PARD3B: variants seen among roughly 807,000 people sequenced by gnomAD.
PARD3B encodes par-3 family cell polarity regulator beta, also known as partitioning defective 3 homolog B.
Under a neutral mutation model 130.2 loss-of-function variants are expected in PARD3B, and 103 were observed. That is an observed-to-expected ratio of 0.79 (90% CI 0.67 to 0.93). PARD3B has a LOEUF of 0.93. Ranked by LOEUF, PARD3B falls within the 40% of genes least tolerant of loss-of-function variation. The pLI is 0.00. For missense variants in PARD3B, 1,609 were observed against 1,499.2 expected, an observed-to-expected ratio of 1.07 and a Z score of -1.21; for synonymous variants, 583 against 553.2, an observed-to-expected ratio of 1.05 and a Z score of -0.76.
chr2:205,289,033 G>A (rs1416955442), intron 16 of PARD3B, among the ~76,000 whole-genome samples: 2 of 152,192 alleles, frequency 1.3e-5, no homozygotes, highest in Admixed American at 6.5e-5. Context: ...ATGGAGAAGA[G>A]TGAAAGAAAC....
intron 2 of PARD3B, among the ~76,000 whole-genome samples, chr2:204,746,396 G>C (rs965702898): frequency 2.6e-5 from 4 of 151,862 alleles, no homozygotes; most frequent in African/African-American, 9.7e-5. Context: ...GGACATTTGG[G>C]TTGGTTCCAA....
At chr2:205,579,607 G>A (rs2053891818) in intron 22 of PARD3B, among the ~76,000 whole-genome samples, 2 of 152,156 alleles carry the variant, frequency 1.3e-5, no homozygotes, top group Admixed American at 1.3e-4. Context: ...ATCACATTTT[G>A]TGGCTGAAAA....
At chr2:204,902,276 C>T (rs924011704) in intron 2 of PARD3B, among the ~76,000 whole-genome samples, 2 of 152,140 alleles carry the variant, frequency 1.3e-5, no homozygotes, top group African/African-American at 4.8e-5. Context: ...GTTCTCTACT[C>T]ACGATTTTAG....
At chr2:204,785,958 C>A (rs529904184) in intron 2 of PARD3B, among the ~76,000 whole-genome samples, 222 of 151,492 alleles carry the variant, frequency 1.5e-3, no homozygotes, top group African/African-American at 5.0e-3. Context: ...ACTAAAAATA[C>A]AAAAAAATAG....
chr2:205,471,544 G>C (rs984011050), intron 20 of PARD3B, among the ~76,000 whole-genome samples: 1 of 151,716 alleles, frequency 6.6e-6, no homozygotes, highest in Non-Finnish European at 1.5e-5. Context: ...TGTACTTTTA[G>C]TAGAGATGGG....
At chr2:204,877,494 C>T (rs1045895752) in intron 2 of PARD3B, among the ~76,000 whole-genome samples, 2 of 152,178 alleles carry the variant, frequency 1.3e-5, no homozygotes, top group African/African-American at 4.8e-5. Flanking sequence ...GTGTGCCTGA[C>T]TGCCAGACTA....
chr2:204,918,941 C>CCCAGGAAG (rs1395457450), intron 2 of PARD3B, among the ~76,000 whole-genome samples: 2 of 151,726 alleles, frequency 1.3e-5, no homozygotes, highest in African/African-American at 4.8e-5. Flanking sequence ...ACCCAGTCTT[C>CCCAGGAAG]ATTTAAAACT....
chr2:205,463,393 G>A lies in PARD3B; in HGVS notation c.3044+22721G>A, dbSNP rs1279984324. On this transcript the variant is annotated intron_variant, in intron 20 of 22. Coordinates refer to ENST00000406610, the MANE Select transcript of PARD3B (RefSeq NM_001302769.2). The surrounding 1 kb of genome is among the most constrained non-coding windows in gnomAD (Gnocchi z 4.8). The stretch of plus-strand genomic sequence containing the variant: ...ACTGCCTTGCGGCCCTTCCAAAGGT[G>A]GCAGAATGATGTTAGTGTTAACATT... 6.6e-6 allele frequency among the ~76,000 whole-genome samples: 1 copy of A among 150,956 alleles called. No homozygotes were observed. Among genetic ancestry groups the A allele is most frequent in the African/African-American group, 2.4e-5 (1 of 41,002 alleles).
rs184993003 is a variant in PARD3B at position 204,812,772 on chromosome 2, T to A, written c.222+126490T>A. On this transcript the variant is annotated intron_variant, in intron 2 of 22. Transcript: ENST00000406610. ...AAATCCTACTAGGAAGCTGCTGATATCAGCTTCAGGTGTTTTCTATCTGCT... is the reference window on the plus strand; with the variant it reads ...AAATCCTACTAGGAAGCTGCTGATAACAGCTTCAGGTGTTTTCTATCTGCT... 9.5e-4 allele frequency among the ~76,000 whole-genome samples: 144 copies of A among 152,290 alleles called. No homozygotes were observed. In the Middle Eastern group the frequency reaches 0.014, roughly 14 times the overall value.
At chr2:205,150,487 G>A (rs1248536321) in intron 10 of PARD3B, among the ~76,000 whole-genome samples, 3 of 151,932 alleles carry the variant, frequency 2.0e-5, no homozygotes, top group African/African-American at 4.8e-5. Flanking sequence ...TTGGAGGGAG[G>A]CATTCAGCAT....
At chr2:205,118,493 A>T (rs2030198473) in intron 6 of PARD3B, among the ~76,000 whole-genome samples, 1 of 152,188 alleles carries the variant, frequency 6.6e-6, no homozygotes, top group Non-Finnish European at 1.5e-5. Flanking sequence ...AAATTTTTAG[A>T]ATAGGTAGTA....
chr2:205,569,984 C>G (rs904627131), intron 22 of PARD3B, among the ~76,000 whole-genome samples: 1 of 152,142 alleles, frequency 6.6e-6, no homozygotes, highest in Non-Finnish European at 1.5e-5. Context: ...GTGATCAGAA[C>G]TCTAAGCATG....
intron 16 of PARD3B, among the ~76,000 whole-genome samples, chr2:205,248,414 T>TGGCGGCAGCAGCAGCAGCAGA (rs1559584670): frequency 2.7e-5 from 4 of 148,202 alleles, no homozygotes; most frequent in African/African-American, 1.0e-4. Context: ...GTGGTGGTGG[T>TGGCGGCAGCAGCAGCAGCAGA]GGCGGCAGCA....
At chr2:205,043,833 T>G (rs570547060) in intron 3 of PARD3B, among the ~76,000 whole-genome samples, 2 of 152,168 alleles carry the variant, frequency 1.3e-5, no homozygotes, top group East Asian at 3.9e-4. Context: ...TACTTTAAGT[T>G]TTAGGGTACA....
intron 16 of PARD3B, among the ~76,000 whole-genome samples, chr2:205,272,066 G>A (rs994474645): frequency 6.6e-6 from 1 of 151,746 alleles, no homozygotes; most frequent in African/African-American, 2.4e-5. Flanking sequence ...GCTGAGGCAG[G>A]AGAATCGTTT....
intron 1 of PARD3B, among the ~76,000 whole-genome samples, chr2:204,654,280 G>A (rs1423902159): frequency 2.0e-5 from 3 of 151,224 alleles, no homozygotes; most frequent in African/African-American, 4.9e-5. Flanking sequence ...AGAAAGGATC[G>A]TGACAACCTA....
chr2:204,561,962 G>A, intron 1 of PARD3B, among the ~76,000 whole-genome samples: 1 of 152,100 alleles, frequency 6.6e-6, no homozygotes, highest in East Asian at 1.9e-4. Flanking sequence ...GCAAGGGATT[G>A]CCGCTGTTAG....
chr2:205,220,256 G>A (rs1173585551), intron 15 of PARD3B, among the ~76,000 whole-genome samples: 1 of 152,108 alleles, frequency 6.6e-6, no homozygotes, highest in Admixed American at 6.5e-5. Flanking sequence ...TGTGGTTTTT[G>A]AGATTCTCTA....
chr2:204,745,835 A>G (rs145505576), intron 2 of PARD3B, among the ~76,000 whole-genome samples: 2,208 of 152,140 alleles, frequency 0.015, 48 homozygotes, highest in African/African-American at 0.051. Flanking sequence ...GCCTAGCACT[A>G]TTCACTTGCT....
Sources: allele counts gnomAD v4.1 joint callset (sites outside exome capture counted in the v4.1 genomes callset), GRCh38; gene constraint gnomAD v4.1.1; non-coding constraint Gnocchi (gnomAD v3.1); transcripts MANE v1.5; gene names NCBI Gene and HGNC (gene_info 2026-07-23, HGNC 2026-07-21).